Variants in RFK observed in about 807,000 individuals in gnomAD.
RFK encodes the protein 0610038L10Rik.
A neutral mutation model predicts 17.6 loss-of-function variants in RFK; 4 were observed. The observed-to-expected ratio is 0.23, with a 90% CI of 0.11 to 0.52. The LOEUF (loss-of-function observed/expected upper bound fraction) is 0.52, where lower values mean the gene tolerates loss of function less well. Among genes scored for constraint, RFK ranks in the 20% least tolerant of loss-of-function variants. RFK has a pLI of 0.96. For missense variants in RFK, 189 were observed against 187.7 expected (o/e 1.01, Z -0.04); for synonymous variants, 59 against 63.8 (o/e 0.92, Z 0.36).
chr9:76,388,504 T>G, intron 3 of RFK, 50 bp downstream of exon 3: 1 of 1,103,210 alleles, frequency 9.1e-7, no homozygotes, highest in Non-Finnish European at 1.4e-6. Context: ...GTGGTAGAGT[T>G]ACCTGTGGTA....
rs1036068570 is a variant in RFK, at chr9:76,388,577, G to A, written c.314C>T (p.Pro105Leu). ...LNVAIVGYLR[P>L]EKNFDSLESL... ...ACCTAAAGAATCAAAGTTCTTTTCT[G>A]GTCTCAGGTAGCCAACAATGGCCAC... The change falls in exon 3 of 4, where the codon CCA becomes CTA. Residue 105 changes from proline to leucine, a missense_variant. By Grantham distance (98) the Pro-to-Leu change is moderately conservative. Transcript: ENST00000376736. The A allele has an allele frequency of 5.0e-6, 8 of 1,609,386 alleles. No individual in the cohort carries two copies. The African/African-American group carries it at 9.3e-5, about 19-fold the overall frequency.
intron 2 of RFK, among the ~76,000 whole-genome samples, chr9:76,390,839 C>CTT (rs56821125): frequency 5.5e-5 from 8 of 146,720 alleles, no homozygotes; most frequent in African/African-American, 1.8e-4. Flanking sequence ...TAAGATAACG[C>CTT]TTTTTTTTTT....
At chr9:76,394,001 C>T (rs1427391619) in intron 1 of RFK, 89 bp downstream of exon 1, 13 of 1,295,534 alleles carry the variant, frequency 1.0e-5, no homozygotes, top group Non-Finnish European at 1.3e-5. Flanking sequence ...GTCCGGAGGC[C>T]CCACGCCCCG....
chr9:76,393,778 C>T (rs1006622487), intron 1 of RFK: 8 of 417,006 alleles, frequency 1.9e-5, no homozygotes, highest in African/African-American at 8.3e-5. Flanking sequence ...GCAAGACAAG[C>T]GCAATGCTTG....
chr9:76,390,859 C>T (rs1822811598), intron 2 of RFK, among the ~76,000 whole-genome samples: 1 of 147,814 alleles, frequency 6.8e-6, no homozygotes, highest in African/African-American at 2.5e-5. Context: ...TTTTAAAGGA[C>T]AAAGGTCTGG....
At chr9:76,393,966 A>G (rs1352570999) in intron 1 of RFK, 124 bp downstream of exon 1, 12 of 819,160 alleles carry the variant, frequency 1.5e-5, no homozygotes, top group Non-Finnish European at 2.1e-5. Context: ...ATGCGGGAGG[A>G]GGAAGGGTGT....
At chr9:76,392,678 A>G in intron 1 of RFK, 109 bp from the exon 2 acceptor site, 1 of 1,059,798 alleles carries the variant, frequency 9.4e-7, no homozygotes, top group Admixed American at 2.1e-5. Flanking sequence ...AGGCCAAGGC[A>G]GGAGGCTCAT....
chr9:76,389,756 G>A (rs181050273), intron 2 of RFK, among the ~76,000 whole-genome samples: 13 of 152,124 alleles, frequency 8.5e-5, no homozygotes, highest in African/African-American at 2.9e-4. Context: ...GCGACAGAGC[G>A]AAGACTCCAT....
Position 76,394,186 on chromosome 9 carries a change from G to A in RFK, c.-15C>T, listed in dbSNP as rs771681682. 12 of 1,586,096 alleles carry A rather than the reference G, an allele frequency of 7.6e-6. No individual in the cohort carries two copies. Among genetic ancestry groups the A allele is most frequent in the African/African-American group, 1.3e-5 (1 of 74,164 alleles). ...AGGTGCCTCATAATGCAGTCCGCTC[G>A]GGGAATGGGCTGCGGCCCGGTCTGC... On this transcript the variant is annotated 5_prime_UTR_variant, in exon 1 of 4. Coordinates refer to ENST00000376736, the MANE Select transcript of RFK (RefSeq NM_018339.6).
chr9:76,394,253 G>T lies in RFK; in HGVS notation c.-82C>A. 7.1e-7 allele frequency: 1 copy of T among 1,410,480 alleles called. No individual in the cohort carries two copies. The highest frequency in any genetic ancestry group is 9.6e-7 in the Non-Finnish European group (1 of 1,038,040). The allele number at this position is 1,410,480 out of a possible 1,614,324, so 87.4% of individuals were successfully genotyped here. A position where few individuals can be genotyped will look rare whatever the true frequency, so the allele number is the denominator to read the frequency against. The stretch of plus-strand genomic sequence containing the variant: ...CCGTCGACGCGGCGCCCAGACCCCG[G>T]ACCAGCCGGGGGACAGGAGCGTGAG... On this transcript the variant is annotated 5_prime_UTR_variant, in exon 1 of 4. Coordinates refer to ENST00000376736, the MANE Select transcript of RFK (RefSeq NM_018339.6).
intron 1 of RFK, chr9:76,393,788 G>T: frequency 2.3e-6 from 1 of 436,362 alleles, no homozygotes; most frequent in Admixed American, 4.1e-5. Context: ...CGCAATGCTT[G>T]ACCAACTGTA....
At chr9:76,393,827 G>C in intron 1 of RFK, 1 of 496,136 alleles carries the variant, frequency 2.0e-6, no homozygotes, top group African/African-American at 2.0e-5. Flanking sequence ...GCGTGAACGG[G>C]GAATCCTGCG....
intron 3 of RFK, chr9:76,388,136 G>A (rs1822763872): frequency 2.6e-6 from 1 of 384,078 alleles, no homozygotes; most frequent in Admixed American, 3.6e-5. Context: ...ACTTGTAAAA[G>A]AAACTTTATA....
rs1305292436 is a variant in RFK at position 76,388,598 on chromosome 9, G to A, written c.293C>T (p.Ala98Val). Residue 98 changes from alanine to valine, a missense_variant, in exon 3 of 4, where the codon GCC (alanine) becomes GTC (valine). Ala to Val is a moderately conservative substitution (Grantham distance 64, BLOSUM62 0). Coordinates refer to ENST00000376736, the MANE Select transcript of RFK (RefSeq NM_018339.6). ...TTCTGGTCTCAGGTAGCCAACAATG[G>A]CCACATTGAGGATTTCCCCATAGAA... is the stretch of plus-strand genomic sequence containing the variant. ...EDFYGEILNV[A>V]IVGYLRPEKN... 2 of 1,612,482 alleles carry A rather than the reference G, an allele frequency of 1.2e-6. No individual in the cohort carries two copies. Among genetic ancestry groups the A allele is most frequent in the Admixed American group, 3.3e-5 (2 of 59,976 alleles).
In RFK at chr9:76,394,356, C is replaced by G; in HGVS notation, c.-185G>C. ...ACTGCGAATCCCTGACGCCGCCGAC[C>G]CAACAAATACCGCCGGGCGCCTGAG... is the stretch of plus-strand genomic sequence containing the variant. On this transcript the variant is annotated 5_prime_UTR_variant, in exon 1 of 4. Coordinates refer to ENST00000376736, the MANE Select transcript of RFK (RefSeq NM_018339.6). The G allele has an allele frequency of 7.6e-6, 4 of 523,486 alleles. No individual in the cohort carries two copies. Among genetic ancestry groups the G allele is most frequent in the Non-Finnish European group, 9.9e-6 (3 of 304,500 alleles). The allele number at this position is 523,486 out of a possible 1,614,324, so 32.4% of individuals were successfully genotyped here.
intron 2 of RFK, among the ~76,000 whole-genome samples, chr9:76,392,154 C>T (rs1488688052): frequency 6.6e-6 from 1 of 151,944 alleles, no homozygotes; most frequent in Non-Finnish European, 1.5e-5. Context: ...CCACAAAAGG[C>T]AGTAATAGAG....
chr9:76,388,316 C>T (rs769745989), intron 3 of RFK: 17 of 609,104 alleles, frequency 2.8e-5, no homozygotes, highest in Non-Finnish European at 4.9e-5. Context: ...CCGTTATTTA[C>T]TATGTGACTT....
intron 3 of RFK, chr9:76,388,064 GT>G: frequency 2.9e-6 from 1 of 343,360 alleles, no homozygotes; most frequent in Non-Finnish European, 5.6e-6. Flanking sequence ...AGGCATAAAT[GT>G]ACACTGCAAA....
intron 2 of RFK, among the ~76,000 whole-genome samples, chr9:76,390,738 ACAC>A (rs1317428028): frequency 6.3e-5 from 9 of 143,696 alleles, no homozygotes; most frequent in African/African-American, 2.2e-4. Context: ...ACACACACAC[ACAC>A]AATGAAAGAA....
Sources: allele counts gnomAD v4.1 joint callset (sites outside exome capture counted in the v4.1 genomes callset), GRCh38; gene constraint gnomAD v4.1.1; transcripts MANE v1.5; gene names NCBI Gene and HGNC (gene_info 2026-07-23, HGNC 2026-07-21).